Variants in C12orf56 observed in about 807,000 individuals in gnomAD.
The protein encoded by C12orf56 is chromosome 12 open reading frame 56, also known as uncharacterized protein C12orf56.
Under a neutral mutation model 69.9 loss-of-function variants are expected in C12orf56, and 71 were observed. That is an observed-to-expected ratio of 1.02 (90% CI 0.84 to 1.24). The LOEUF (loss-of-function observed/expected upper bound fraction) is 1.24, where lower values mean the gene tolerates loss of function less well. Ranked by LOEUF, C12orf56 falls within the 50% of genes most tolerant of loss-of-function variation. C12orf56 has a pLI of 0.00. For synonymous variants in C12orf56, 276 were observed against 274.1 expected, an observed-to-expected ratio of 1.01 and a Z score of -0.07; for missense variants, 732 against 738.5, an observed-to-expected ratio of 0.99 and a Z score of 0.10.
intron 2 of C12orf56, among the ~76,000 whole-genome samples, chr12:64,342,220 T>C (rs2039083137): frequency 6.6e-6 from 1 of 152,232 alleles, no homozygotes; most frequent in Non-Finnish European, 1.5e-5. Context: ...CACCAAACCA[T>C]TGGCTACAGC....
intron 4 of C12orf56, among the ~76,000 whole-genome samples, chr12:64,315,076 T>C (rs1028831291): frequency 9.5e-5 from 14 of 147,264 alleles, no homozygotes; most frequent in African/African-American, 3.5e-4. Flanking sequence ...CTCAGCTTCC[T>C]GAGTAACTGG....
chr12:64,321,869 G>A (rs1237777186), intron 3 of C12orf56, among the ~76,000 whole-genome samples: 1 of 151,752 alleles, frequency 6.6e-6, no homozygotes, highest in Non-Finnish European at 1.5e-5. Flanking sequence ...GAATTTTTTT[G>A]AGTTTATCTT....
intron 2 of C12orf56, among the ~76,000 whole-genome samples, chr12:64,347,144 T>G (rs1320278644): frequency 6.6e-6 from 1 of 151,850 alleles, no homozygotes; most frequent in Non-Finnish European, 1.5e-5. Context: ...CCCAACTAAT[T>G]TTTTTGTATT....
chr12:64,352,467 A>T (rs2039242451), intron 2 of C12orf56: 1 of 153,276 alleles, frequency 6.5e-6, no homozygotes, highest in Non-Finnish European at 1.5e-5. Context: ...ACTTCTTTAG[A>T]CAGGGGAAAG....
intron 6 of C12orf56, among the ~76,000 whole-genome samples, chr12:64,296,512 G>A (rs563510473): frequency 6.6e-6 from 1 of 152,262 alleles, no homozygotes; most frequent in East Asian, 1.9e-4. Flanking sequence ...AGAGGAATTT[G>A]CCTCAGGATG....
chr12:64,352,166 A>G (rs1489641269), intron 2 of C12orf56, among the ~76,000 whole-genome samples: 1 of 151,312 alleles, frequency 6.6e-6, no homozygotes, highest in Non-Finnish European at 1.5e-5. Flanking sequence ...CTGGGCAAAC[A>G]AGTAAAAGAC....
rs2039033218 is a variant in C12orf56 at position 64,338,828 on chromosome 12, TC to T, written c.416-7797del. 10 of 964,674 alleles carry T rather than the reference TC, an allele frequency of 1.0e-5. No individual in the cohort carries two copies. In the South Asian group the frequency reaches 1.4e-4, roughly 13 times the overall value. 59.8% of individuals were successfully genotyped at this position (964,674 alleles called of 1,614,324 possible). ...AAAGCTAGGCCGGTGAGCAGCAGGCTCGAGTTTAGGTTTGAAGGGTGAGGTG... is the reference window on the plus strand; with the variant it reads ...AAAGCTAGGCCGGTGAGCAGCAGGCTGAGTTTAGGTTTGAAGGGTGAGGTG... On this transcript the variant is annotated intron_variant, in intron 2 of 12. Coordinates refer to ENST00000543942, the MANE Select transcript of C12orf56 (RefSeq NM_001170633.2).
At chr12:64,345,558 G>C (rs1181750141) in intron 2 of C12orf56, among the ~76,000 whole-genome samples, 4 of 152,180 alleles carry the variant, frequency 2.6e-5, no homozygotes, top group Non-Finnish European at 4.4e-5. Flanking sequence ...TGGTGAAGCT[G>C]TGCATGTATC....
At chr12:64,270,844 T>C in intron 11 of C12orf56, 130 bp from the exon 12 acceptor site, 1 of 725,404 alleles carries the variant, frequency 1.4e-6, no homozygotes, top group Non-Finnish European at 2.2e-6. Flanking sequence ...CAATGTTCCT[T>C]ATTGAAATGG....
At chr12:64,329,256 C>T (rs543957610) in intron 3 of C12orf56, among the ~76,000 whole-genome samples, 44 of 152,152 alleles carry the variant, frequency 2.9e-4, no homozygotes, top group African/African-American at 9.9e-4. Flanking sequence ...TGAAGGGCAT[C>T]GCTATTCAGT....
intron 3 of C12orf56, among the ~76,000 whole-genome samples, chr12:64,325,165 G>T (rs972096543): frequency 6.6e-6 from 1 of 152,056 alleles, no homozygotes; most frequent in African/African-American, 2.4e-5. Context: ...CACCCCAGAA[G>T]ATCTAGGCTA....
chr12:64,369,640 G>A (rs1415728742), intron 1 of C12orf56, among the ~76,000 whole-genome samples: 4 of 152,116 alleles, frequency 2.6e-5, no homozygotes, highest in Non-Finnish European at 5.9e-5. Flanking sequence ...CACAAAGGAG[G>A]GGAAGAGAAC....
rs990513345 is a variant in C12orf56 at position 64,276,008 on chromosome 12, C to CG, written c.1435-637_1435-636insC. Among the ~76,000 whole-genome samples the CG allele has an allele frequency of 5.9e-5, 9 of 151,822 alleles. No homozygotes were observed. The South Asian group carries it at 8.4e-4, about 14-fold the overall frequency. ...AAGAATGTAGAAATACACACCCCCC[C>CG]CCGCGAGTTGAGGTGAGAGATTCTC... On this transcript the variant is annotated intron_variant, in intron 9 of 12. Coordinates refer to ENST00000543942, the MANE Select transcript of C12orf56 (RefSeq NM_001170633.2).
intron 2 of C12orf56, among the ~76,000 whole-genome samples, chr12:64,340,817 A>G (rs1471224486): frequency 1.3e-5 from 2 of 152,168 alleles, no homozygotes; most frequent in African/African-American, 2.4e-5. Flanking sequence ...TTTTGCCTTC[A>G]GCAAGCACCT....
At chr12:64,308,932 GAAAGAAAGAAGAAAGAAAGA>G (rs2038560699) in intron 5 of C12orf56, among the ~76,000 whole-genome samples, 2 of 32,654 alleles carry the variant, frequency 6.1e-5, no homozygotes, top group African/African-American at 9.4e-5. Context: ...AAGAAAGAAA[GAAAGAAAGAAGAAAGAAAGA>G]AAGAAAGAAA....
At chr12:64,272,207 T>A (rs1212243418) in intron 11 of C12orf56, among the ~76,000 whole-genome samples, 1 of 151,958 alleles carries the variant, frequency 6.6e-6, no homozygotes, top group Non-Finnish European at 1.5e-5. Flanking sequence ...AAAAATTTTT[T>A]AAAATAAATA....
At chr12:64,322,229 C>T (rs536017420) in intron 3 of C12orf56, among the ~76,000 whole-genome samples, 8 of 151,714 alleles carry the variant, frequency 5.3e-5, no homozygotes, top group Non-Finnish European at 8.8e-5. Flanking sequence ...CCACACAGTA[C>T]CCTGAGATTC....
chr12:64,347,070 G>A (rs776416779), intron 2 of C12orf56, among the ~76,000 whole-genome samples: 14 of 151,414 alleles, frequency 9.2e-5, no homozygotes, highest in African/African-American at 1.7e-4. Context: ...CCACCCCCTC[G>A]GTTCAAGTGA....
At chr12:64,360,668 A>G (rs1216452404) in intron 1 of C12orf56, among the ~76,000 whole-genome samples, 1 of 152,240 alleles carries the variant, frequency 6.6e-6, no homozygotes, top group Non-Finnish European at 1.5e-5. Context: ...AAAATAAGTT[A>G]AGATTTCTCA....
Sources: allele counts gnomAD v4.1 joint callset (sites outside exome capture counted in the v4.1 genomes callset), GRCh38; gene constraint gnomAD v4.1.1; transcripts MANE v1.5; gene names NCBI Gene and HGNC (gene_info 2026-07-23, HGNC 2026-07-21).